The following SPAST variants were observed in gnomAD, a reference collection of about 807,000 sequenced individuals.
The protein encoded by SPAST is spastin, also known as spastic paraplegia 4 (autosomal dominant; spastin).
SPAST carries 30 observed loss-of-function variants against 76.6 expected under a neutral mutation model. The observed-to-expected ratio is 0.39, with a 90% CI of 0.29 to 0.53. The LOEUF (loss-of-function observed/expected upper bound fraction) is 0.53. Ranked by LOEUF, SPAST falls within the 20% of genes least tolerant of loss-of-function variation. The pLI is 0.68. For missense variants in SPAST, 717 were observed against 770.5 expected, an observed-to-expected ratio of 0.93 and a Z score of 0.82; for synonymous variants, 305 against 281.0, an observed-to-expected ratio of 1.09 and a Z score of -0.86.
chr2:32,074,983 C>T (rs573624690), intron 1 of SPAST, among the ~76,000 whole-genome samples: 1 of 152,082 alleles, frequency 6.6e-6, no homozygotes, highest in East Asian at 1.9e-4. Flanking sequence ...TAAATGAGAA[C>T]TATTATTATA....
intron 4 of SPAST, among the ~76,000 whole-genome samples, chr2:32,109,860 A>G (rs1160542023): frequency 6.7e-6 from 1 of 149,112 alleles, no homozygotes; most frequent in Non-Finnish European, 1.5e-5. Context: ...ATATAGTTAC[A>G]TATCTATATG....
intron 7 of SPAST, chr2:32,126,477 T>G (rs1679196881): frequency 8.5e-6 from 1 of 117,502 alleles, no homozygotes; most frequent in Admixed American, 8.6e-5. Flanking sequence ...TTCTTTTTTT[T>G]TTTTTTTTTT....
chr2:32,074,834 T>G (rs1324147884), intron 1 of SPAST, among the ~76,000 whole-genome samples: 1 of 152,142 alleles, frequency 6.6e-6, no homozygotes, highest in Non-Finnish European at 1.5e-5. Context: ...GGTCAACTTT[T>G]ACCCTTTTCG....
intron 8 of SPAST, 172 bp from the exon 9 acceptor site, chr2:32,128,236 G>A (rs975646606): frequency 5.3e-6 from 3 of 565,102 alleles, no homozygotes; most frequent in Admixed American, 5.7e-5. Flanking sequence ...CTCAAGTGAT[G>A]CGCCTGCCTC....
At chr2:32,069,228 AAAG>A (rs1403990926) in intron 1 of SPAST, among the ~76,000 whole-genome samples, 1 of 151,992 alleles carries the variant, frequency 6.6e-6, no homozygotes, top group East Asian at 1.9e-4. Context: ...AAAAAAAAAA[AAAG>A]AAAACTGAGT....
chr2:32,150,584 T>C (rs1680051733), intron 16 of SPAST, among the ~76,000 whole-genome samples: 3 of 151,786 alleles, frequency 2.0e-5, no homozygotes. Context: ...ACTACGGGCA[T>C]GTACCACCAC....
intron 1 of SPAST, among the ~76,000 whole-genome samples, chr2:32,080,456 A>G (rs1347370982): frequency 1.3e-5 from 2 of 152,206 alleles, no homozygotes; most frequent in Non-Finnish European, 2.9e-5. Context: ...ATTGGCTAAT[A>G]ATTTAAACTA....
Position 32,112,244 on chromosome 2 carries a change from C to T in SPAST, c.683-2394C>T, listed in dbSNP as rs116073309. On this transcript the variant is annotated intron_variant, in intron 4 of 16. Coordinates refer to ENST00000315285, the MANE Select transcript of SPAST (RefSeq NM_014946.4). ...CTAGGATTACAGGCATGAACCACTG[C>T]GTCTGGCCTTAAGTTATTATTGACT... Among the ~76,000 whole-genome samples, 9 of 151,714 alleles carry T rather than the reference C, an allele frequency of 5.9e-5. No homozygotes were observed. In the East Asian group the frequency reaches 1.4e-3, roughly 23 times the overall value.
At position 32,114,814 on chromosome 2, in the gene SPAST, A is replaced by C; in HGVS notation, c.859A>C (p.Thr287Pro). ...GVKQGSGPAPTTHKGTPKTNR... is the reference protein window; with the variant it reads ...GVKQGSGPAPPTHKGTPKTNR... ...GAAACAGGGATCTGGTCCTGCTCCT[A>C]CCACTCATAAGGTATTCTGGGACAG... The change falls in exon 5 of 17, where the codon ACC becomes CCC. Residue 287 changes from threonine (T) to proline (P), a missense_variant. Physicochemically the swap from Thr to Pro is conservative, Grantham distance 38. Around this residue, in one of 3 missense-constraint regions of SPAST, gnomAD observed 543 missense variants for 445.2 expected, o/e 1.22. Coordinates refer to ENST00000315285, the MANE Select transcript of SPAST (RefSeq NM_014946.4). 16 of 1,613,876 alleles carry C rather than the reference A, an allele frequency of 9.9e-6. No homozygotes were observed. The highest frequency in any genetic ancestry group is 2.2e-5 in the East Asian group (1 of 44,874).
chr2:32,117,246 C>T (rs747501133), intron 7 of SPAST, among the ~76,000 whole-genome samples: 2 of 151,306 alleles, frequency 1.3e-5, no homozygotes, highest in African/African-American at 2.4e-5. Context: ...AGCGAGACTC[C>T]GTCTCAAAAA....
At position 32,116,244 on chromosome 2, in the gene SPAST, T is replaced by C. The variant is rs775262446; in HGVS notation, c.1098+32T>C. 4 of 1,325,948 alleles carry C rather than the reference T, an allele frequency of 3.0e-6. No individual in the cohort carries two copies. In the East Asian group the frequency reaches 6.9e-5, roughly 23 times the overall value. The allele number at this position is 1,325,948 out of a possible 1,614,324, so 82.1% of individuals were successfully genotyped here. ...ACTTTATATTATCATTTTTCTATAA[T>C]ACCATCTGTTACTGAATCCATAGTA... On this transcript the variant is annotated intron_variant, in intron 7 of 16. Transcript: ENST00000315285.
intron 13 of SPAST, 96 bp from the exon 14 acceptor site, chr2:32,143,240 C>G: frequency 2.7e-6 from 2 of 754,400 alleles, no homozygotes; most frequent in Non-Finnish European, 4.6e-6. Flanking sequence ...GCACTCCAGC[C>G]TGGGTAACAG....
In SPAST at chr2:32,063,648, GCTC is replaced by G; in HGVS notation, c.-181_-179del. On this transcript the variant is annotated 5_prime_UTR_variant, in exon 1 of 17. Transcript: ENST00000315285. ...CGACTGCAGGAGGAGAAGGGGTTGTGCTCCTGGCCGAGGAAGGAGAAAGGGGCG... is the reference window on the plus strand; with the variant it reads ...CGACTGCAGGAGGAGAAGGGGTTGTGCTGGCCGAGGAAGGAGAAAGGGGCG... The G allele has an allele frequency of 1.4e-6, 1 of 723,002 alleles. No homozygotes were observed. The highest frequency in any genetic ancestry group is 2.2e-6 in the Non-Finnish European group (1 of 455,038). The allele number at this position is 723,002 out of a possible 1,614,324, so 44.8% of individuals were successfully genotyped here. A position where few individuals can be genotyped will look rare whatever the true frequency, so the allele number is the denominator to read the frequency against.
At chr2:32,087,966 C>T (rs1168769382) in intron 2 of SPAST, among the ~76,000 whole-genome samples, 1 of 152,000 alleles carries the variant, frequency 6.6e-6, no homozygotes, top group Non-Finnish European at 1.5e-5. Context: ...TCACTGCAAT[C>T]TCCGCCTCCC....
At chr2:32,126,602 TC>T (rs897438258) in intron 7 of SPAST, 1 of 173,044 alleles carries the variant, frequency 5.8e-6, no homozygotes, top group African/African-American at 2.6e-5. Context: ...CACCTCAGCC[TC>T]CTGAATAGCT....
intron 5 of SPAST, among the ~76,000 whole-genome samples, chr2:32,115,190 C>T (rs888047448): frequency 2.0e-5 from 3 of 151,980 alleles, no homozygotes; most frequent in Non-Finnish European, 4.4e-5. Context: ...TCAGGTGATC[C>T]GCCTGCCTCA....
Position 32,063,781 on chromosome 2 carries a change from C to A in SPAST, c.-51C>A. ...GTGGCTGCCGCCGTCGCTTGGTTCCCGTCGGTCTGCGGGAGGCGGGTTATG... is the reference window on the plus strand; with the variant it reads ...GTGGCTGCCGCCGTCGCTTGGTTCCAGTCGGTCTGCGGGAGGCGGGTTATG... On this transcript the variant is annotated 5_prime_UTR_variant, in exon 1 of 17. Coordinates refer to ENST00000315285, the MANE Select transcript of SPAST (RefSeq NM_014946.4). The A allele has an allele frequency of 6.5e-7, 1 of 1,539,624 alleles. No homozygotes were observed.
At chr2:32,069,792 C>G (rs984846341) in intron 1 of SPAST, among the ~76,000 whole-genome samples, 2 of 151,970 alleles carry the variant, frequency 1.3e-5, no homozygotes, top group African/African-American at 4.8e-5. Context: ...ATCTCCTGTC[C>G]TCGTGATCCG....
intron 3 of SPAST, among the ~76,000 whole-genome samples, chr2:32,092,727 G>A (rs1373720108): frequency 6.6e-6 from 1 of 152,182 alleles, no homozygotes. Flanking sequence ...GGTGACATCG[G>A]CTGGGCGCGG....
Sources: gnomAD v4.1 joint callset for allele counts (sites outside exome capture counted in the v4.1 genomes callset) on GRCh38, gnomAD v4.1.1 for gene constraint, gnomAD v4.1.1 regional missense constraint, MANE v1.5 for transcripts, NCBI Gene and HGNC (gene_info 2026-07-23, HGNC 2026-07-21) for gene names.